MRAP2: variants seen among roughly 807,000 people sequenced by gnomAD.
MRAP2 encodes the protein melanocortin 2 receptor accessory protein 2, also known as melanocortin-2 receptor accessory protein 2.
A neutral mutation model predicts 17.4 loss-of-function variants in MRAP2; 20 were observed. The ratio of observed to expected loss-of-function variants is 1.15; its 90% confidence interval spans 0.81 to 1.67. The LOEUF is 1.67. Ranked by LOEUF, MRAP2 falls within the 40% of genes most tolerant of loss-of-function variation. The pLI is 0.00. For missense variants in MRAP2, 238 were observed against 240.0 expected (o/e 0.99, Z 0.05); for synonymous variants, 96 against 88.4 (o/e 1.09, Z -0.48).
chr6:84,132,618 C>T, the MRAP2 span, among the ~76,000 whole-genome samples: 1 of 152,174 alleles, frequency 6.6e-6, no homozygotes, highest in South Asian at 2.1e-4. Context: ...GATACCCTTT[C>T]TTCCACTTGA....
At chr6:84,094,407 C>T (rs753267205), downstream of MRAP2, among the ~76,000 whole-genome samples, 30 of 152,236 alleles carry the variant, frequency 2.0e-4, no homozygotes, top group Admixed American at 1.4e-3. Context: ...TTTTTCTTTC[C>T]TCTTGCATTT....
At chr6:84,067,086 C>A (rs989294027) in intron 3 of MRAP2, among the ~76,000 whole-genome samples, 1 of 152,008 alleles carries the variant, frequency 6.6e-6, no homozygotes, top group Non-Finnish European at 1.5e-5. Context: ...ATTCTTCTGC[C>A]TTTGTATCCT....
intron 1 of MRAP2, among the ~76,000 whole-genome samples, chr6:84,043,042 A>G (rs2099488067): frequency 3.3e-5 from 5 of 152,180 alleles, no homozygotes; most frequent in Admixed American, 3.3e-4. Flanking sequence ...CAAAAATACA[A>G]AGTAGTCTTG....
chr6:84,122,598 A>G, the MRAP2 span, among the ~76,000 whole-genome samples: 9 of 152,246 alleles, frequency 5.9e-5, no homozygotes, highest in East Asian at 1.7e-3. Context: ...TAAAAGCCAT[A>G]TATTACAAAC....
chr6:84,117,195 G>T, the MRAP2 span, among the ~76,000 whole-genome samples: 1 of 152,012 alleles, frequency 6.6e-6, no homozygotes, highest in Non-Finnish European at 1.5e-5. Context: ...GCTAATTTTT[G>T]TATTTTTAGT....
At chr6:84,103,290 G>C in the MRAP2 span, among the ~76,000 whole-genome samples, 1 of 152,164 alleles carries the variant, frequency 6.6e-6, no homozygotes, top group Non-Finnish European at 1.5e-5. Context: ...AAAATCTGTG[G>C]GGATTTGAGG....
the MRAP2 span, among the ~76,000 whole-genome samples, chr6:84,115,705 G>T: frequency 2.6e-5 from 4 of 152,298 alleles, no homozygotes; most frequent in African/African-American, 7.2e-5. Flanking sequence ...GGGCCCTGAT[G>T]ATGTAGGCAC....
the MRAP2 span, among the ~76,000 whole-genome samples, chr6:84,110,435 T>G: frequency 5.3e-5 from 8 of 151,642 alleles, no homozygotes; most frequent in African/African-American, 1.9e-4. Flanking sequence ...TTTGATGGGG[T>G]TTTTTTTTCT....
Position 84,090,841 on chromosome 6 carries a change from C to T in MRAP2, c.*1360C>T, listed in dbSNP as rs1461245889. 6.6e-6 allele frequency: 1 copy of T among 152,190 alleles called. No homozygotes were observed. The highest frequency in any genetic ancestry group is 1.5e-5 in the Non-Finnish European group (1 of 68,028). 9.4% of individuals were successfully genotyped at this position (152,190 alleles called of 1,614,324 possible). On this transcript the variant is annotated 3_prime_UTR_variant, in exon 4 of 4. Coordinates refer to ENST00000257776, the MANE Select transcript of MRAP2 (RefSeq NM_138409.4). Reference sequence around the variant, plus strand: ...ATTTTCATTATGAATTTGTTCACCACCTGTCTTGCTTAAGCTACAAAATAA... The same window carrying T: ...ATTTTCATTATGAATTTGTTCACCATCTGTCTTGCTTAAGCTACAAAATAA...
At chr6:84,052,342 C>G (rs79359033) in intron 1 of MRAP2, among the ~76,000 whole-genome samples, 11 of 152,130 alleles carry the variant, frequency 7.2e-5, no homozygotes, top group African/African-American at 2.6e-4. Context: ...CGTGGGTGGC[C>G]GAGATCATGC....
At chr6:84,144,913 A>T in the MRAP2 span, among the ~76,000 whole-genome samples, 1 of 152,082 alleles carries the variant, frequency 6.6e-6, no homozygotes, top group Non-Finnish European at 1.5e-5. Flanking sequence ...CCATTAGCTG[A>T]GTATTCTTAT....
At chr6:84,134,919 T>TACACACACACACAC in the MRAP2 span, among the ~76,000 whole-genome samples, 6 of 148,372 alleles carry the variant, frequency 4.0e-5, no homozygotes, top group Non-Finnish European at 7.5e-5. Context: ...AGATCATATA[T>TACACACACACACAC]ACACACACAC....
intron 1 of MRAP2, 147 bp downstream of exon 1, chr6:84,034,030 G>C (rs1675025374): frequency 1.7e-6 from 1 of 588,516 alleles, no homozygotes; most frequent in Admixed American, 6.3e-5. Flanking sequence ...GTGGGAGGAG[G>C]AGAATTGGGG....
chr6:84,110,213 A>C, the MRAP2 span, among the ~76,000 whole-genome samples: 1 of 152,200 alleles, frequency 6.6e-6, no homozygotes. Flanking sequence ...CCAACAATGT[A>C]AAAGTGTTCC....
chr6:84,113,414 T>C, the MRAP2 span, among the ~76,000 whole-genome samples: 11 of 152,202 alleles, frequency 7.2e-5, no homozygotes, highest in Admixed American at 2.6e-4. Flanking sequence ...CAACCCCTGC[T>C]TATTTTGCTT....
chr6:84,103,912 C>A, the MRAP2 span, among the ~76,000 whole-genome samples: 1 of 152,116 alleles, frequency 6.6e-6, no homozygotes. Flanking sequence ...TGTATAATTA[C>A]CTTCTCCATT....
At chr6:84,079,311 A>G (rs914728448) in intron 3 of MRAP2, among the ~76,000 whole-genome samples, 3 of 152,208 alleles carry the variant, frequency 2.0e-5, no homozygotes, top group African/African-American at 7.2e-5. Flanking sequence ...GCCATATATC[A>G]TATGATTCCA....
the MRAP2 span, chr6:84,124,326 A>ATTGAC: frequency 1.3e-5 from 2 of 152,148 alleles, no homozygotes; most frequent in Non-Finnish European, 2.9e-5. Context: ...TCTACCAACA[A>ATTGAC]TTGACTGGAT....
the MRAP2 span, among the ~76,000 whole-genome samples, chr6:84,115,526 C>A: frequency 6.6e-6 from 1 of 152,112 alleles, no homozygotes; most frequent in Non-Finnish European, 1.5e-5. Context: ...GGGGGTGGGA[C>A]CTGCCAAGCC....
Sources: allele counts gnomAD v4.1 joint callset (sites outside exome capture counted in the v4.1 genomes callset), GRCh38; gene constraint gnomAD v4.1.1; transcripts MANE v1.5; gene names NCBI Gene and HGNC (gene_info 2026-07-23, HGNC 2026-07-21).